CNGB3: variants seen among roughly 807,000 people sequenced by gnomAD.
CNGB3 encodes cyclic nucleotide-gated channel beta-3.
Under a neutral mutation model 92.8 loss-of-function variants are expected in CNGB3, and 86 were observed. The observed-to-expected ratio is 0.93, with a 90% CI of 0.78 to 1.11. CNGB3 has a LOEUF of 1.11. CNGB3 is among the 50% of genes least tolerant of loss of function. The pLI is 0.00. For missense variants in CNGB3, 1,026 were observed against 956.8 expected (o/e 1.07, Z -0.95); for synonymous variants, 333 against 332.7 (o/e 1.00, Z -0.01).
intron 14 of CNGB3, among the ~76,000 whole-genome samples, chr8:86,605,476 T>C (rs577865669): frequency 1.3e-5 from 2 of 152,314 alleles, no homozygotes; most frequent in South Asian, 2.1e-4. Flanking sequence ...ATAGCATTAA[T>C]ACAATAAATT....
At position 86,604,084 on chromosome 8, in the gene CNGB3, T is replaced by A; in HGVS notation, c.1781+9A>T. 6.5e-7 allele frequency: 1 copy of A among 1,543,388 alleles called. No individual in the cohort carries two copies. Among genetic ancestry groups the A allele is most frequent in the African/African-American group, 1.4e-5 (1 of 73,650 alleles). On this transcript the variant is annotated intron_variant, in intron 15 of 17. Coordinates refer to ENST00000320005, the MANE Select transcript of CNGB3 (RefSeq NM_019098.5). ...GGACTTCAATATTTATGAAGTATCT[T>A]TCAGATACCTGATTTCTCCAAACAC...
chr8:86,634,496 T>TGTGCAC (rs1823026071), intron 10 of CNGB3, among the ~76,000 whole-genome samples: 2 of 152,270 alleles, frequency 1.3e-5, no homozygotes, highest in African/African-American at 4.8e-5. Context: ...TCATAATTCT[T>TGTGCAC]GTGCACTTAG....
intron 3 of CNGB3, among the ~76,000 whole-genome samples, chr8:86,717,219 CA>C (rs1486917217): frequency 6.6e-6 from 1 of 152,010 alleles, no homozygotes; most frequent in African/African-American, 2.4e-5. Flanking sequence ...ATTTATAAAA[CA>C]ATTACTACTA....
At chr8:86,679,998 G>A (rs1824049683) in intron 3 of CNGB3, among the ~76,000 whole-genome samples, 1 of 152,186 alleles carries the variant, frequency 6.6e-6, no homozygotes. Flanking sequence ...CTTGATCTTG[G>A]ACTCCTAGCC....
rs1384389836 is a variant in CNGB3 at position 86,743,574 on chromosome 8, A to C, written c.54T>G (p.Asn18Lys). Residue 18 changes from asparagine (N) to lysine (K), a missense_variant, in exon 1 of 18, where the codon AAT becomes AAG. Transcript: ENST00000320005. The part of the protein sequence containing the change: ...VNKVKPIGEN[N>K]ENEQSSRRNE... ...TCCGACGAGAACTTTGTTCATTCTC[A>C]TTGTTCTCTCCTATAGGCTTCACCT... 1 of 1,614,006 alleles carries C rather than the reference A, an allele frequency of 6.2e-7. No individual in the cohort carries two copies. The highest frequency in any genetic ancestry group is 2.2e-5 in the East Asian group (1 of 44,856).
chr8:86,661,856 T>C, intron 6 of CNGB3: 1 of 1,261,762 alleles, frequency 7.9e-7, no homozygotes, highest in South Asian at 1.2e-5. Flanking sequence ...GTTCCAGAAC[T>C]GATGTCAGAT....
intron 3 of CNGB3, among the ~76,000 whole-genome samples, chr8:86,698,506 C>T (rs1355050627): frequency 2.0e-5 from 3 of 152,190 alleles, no homozygotes; most frequent in South Asian, 2.1e-4. Flanking sequence ...TCCATTCCCT[C>T]GCTAGCACCT....
intron 3 of CNGB3, among the ~76,000 whole-genome samples, chr8:86,684,752 T>C (rs1297161460): frequency 6.6e-6 from 1 of 151,974 alleles, no homozygotes; most frequent in Non-Finnish European, 1.5e-5. Context: ...CTAAAGACTA[T>C]GTACTGTGTG....
At chr8:86,629,273 T>C (rs1286978151) in intron 11 of CNGB3, among the ~76,000 whole-genome samples, 195 bp from the exon 12 acceptor site, 2 of 152,216 alleles carry the variant, frequency 1.3e-5, no homozygotes, top group Admixed American at 1.3e-4. Context: ...CATACTGATA[T>C]TGGGTCCTAA....
At chr8:86,614,473 C>T (rs962525700) in intron 13 of CNGB3, among the ~76,000 whole-genome samples, 4 of 152,114 alleles carry the variant, frequency 2.6e-5, no homozygotes, top group South Asian at 2.1e-4. Flanking sequence ...TGGTTGAGCA[C>T]GAGTGTTACC....
At chr8:86,604,756 T>C (rs1424038970) in intron 14 of CNGB3, among the ~76,000 whole-genome samples, 2 of 152,170 alleles carry the variant, frequency 1.3e-5, no homozygotes, top group Non-Finnish European at 2.9e-5. Context: ...TTGCCTATCT[T>C]TGGGGACTCT....
intron 15 of CNGB3, among the ~76,000 whole-genome samples, chr8:86,601,650 A>G (rs1336939084): frequency 6.6e-6 from 1 of 151,964 alleles, no homozygotes; most frequent in Non-Finnish European, 1.5e-5. Context: ...CAGTATCTGG[A>G]TGTTTGGCAG....
intron 7 of CNGB3, among the ~76,000 whole-genome samples, chr8:86,648,972 A>G (rs1161344013): frequency 6.6e-6 from 1 of 151,520 alleles, no homozygotes. Context: ...TGTGAAATCA[A>G]TGTACACAAA....
intron 15 of CNGB3, among the ~76,000 whole-genome samples, chr8:86,597,981 TAAATAAAATA>T (rs139846097): frequency 2.3e-3 from 250 of 111,086 alleles, no homozygotes; most frequent in African/African-American, 0.01. Flanking sequence ...TCATCTCAAA[TAAATAAAATA>T]AAATAAAATA....
intron 6 of CNGB3, chr8:86,657,376 G>T: frequency 2.2e-6 from 1 of 452,744 alleles, no homozygotes; most frequent in South Asian, 1.8e-5. Flanking sequence ...GACAGTGGCC[G>T]GCTTTTAGAT....
intron 3 of CNGB3, among the ~76,000 whole-genome samples, chr8:86,705,125 C>T (rs1824629411): frequency 2.0e-5 from 3 of 152,106 alleles, no homozygotes; most frequent in Admixed American, 2.0e-4. Context: ...AAGCAAATTG[C>T]CTAGGAATTC....
At chr8:86,599,379 T>A (rs1866908) in intron 15 of CNGB3, among the ~76,000 whole-genome samples, 132,155 of 152,168 alleles carry the variant, frequency 0.87, 57,562 homozygotes, top group Non-Finnish European at 0.9. Context: ...GTTGTAGAGC[T>A]TGTGTGTTTG....
At chr8:86,734,942 C>A (rs1025560754) in intron 2 of CNGB3, among the ~76,000 whole-genome samples, 1 of 149,998 alleles carries the variant, frequency 6.7e-6, no homozygotes, top group Admixed American at 6.7e-5. Context: ...TATACATGAG[C>A]AAAATGACAC....
rs2131673584 is a variant in CNGB3 at position 86,728,537 on chromosome 8, T to C, written c.212-1880A>G. Among the ~76,000 whole-genome samples the C allele has an allele frequency of 1.3e-5, 2 of 152,326 alleles. 1 individual carries two copies. Among genetic ancestry groups the C allele is most frequent in the South Asian group, 4.1e-4 (2 of 4,828 alleles). On this transcript the variant is annotated intron_variant, in intron 2 of 17. Transcript: ENST00000320005. ...AATTTCCATTTTGTATTGCTGTCTG[T>C]GAAAGTGGCAGCCTAATCCTTTTTT... is the stretch of plus-strand genomic sequence containing the variant.
Sources: allele counts gnomAD v4.1 joint callset (sites outside exome capture counted in the v4.1 genomes callset), GRCh38; gene constraint gnomAD v4.1.1; transcripts MANE v1.5; gene names NCBI Gene and HGNC (gene_info 2026-07-23, HGNC 2026-07-21).